Variants in PCNX1 observed in about 807,000 individuals in gnomAD.
The protein encoded by PCNX1 is pecanex 1, also known as pecanex-like protein 1.
A neutral mutation model predicts 242.2 loss-of-function variants in PCNX1; 78 were observed. The observed-to-expected ratio is 0.32, with a 90% CI of 0.27 to 0.39. The LOEUF is 0.39. Ranked by LOEUF, PCNX1 falls within the 10% of genes least tolerant of loss-of-function variation. PCNX1 has a pLI of 1.00. For missense variants in PCNX1, 2,581 were observed against 2,856.5 expected, an observed-to-expected ratio of 0.90 and a Z score of 2.20; for synonymous variants, 1,024 against 1,032.9, an observed-to-expected ratio of 0.99 and a Z score of 0.17.
chr14:71,034,949 T>A (rs1413758038), intron 18 of PCNX1, among the ~76,000 whole-genome samples: 1 of 152,232 alleles, frequency 6.6e-6, no homozygotes, highest in Admixed American at 6.5e-5. Flanking sequence ...CTATGACCAC[T>A]GATGGAACCA....
At chr14:70,993,375 G>A (rs774499652) in intron 7 of PCNX1, among the ~76,000 whole-genome samples, 5 of 151,802 alleles carry the variant, frequency 3.3e-5, no homozygotes, top group African/African-American at 9.7e-5. Context: ...TGATCCACCC[G>A]CCTTGGCCTC....
chr14:71,037,746 A>G (rs552469851), intron 19 of PCNX1, among the ~76,000 whole-genome samples: 2 of 151,914 alleles, frequency 1.3e-5, no homozygotes, highest in East Asian at 3.9e-4. Flanking sequence ...ATGGAACCAA[A>G]AAAGAGCCCG....
At chr14:70,910,845 G>A (rs1431407828) in intron 1 of PCNX1, among the ~76,000 whole-genome samples, 1 of 152,202 alleles carries the variant, frequency 6.6e-6, no homozygotes. Flanking sequence ...ACAAGACACA[G>A]CTTCTGCTTT....
chr14:70,938,062 CAT>C lies in PCNX1; in HGVS notation c.154-8852_154-8851del, dbSNP rs1277717983. 3.3e-5 allele frequency among the ~76,000 whole-genome samples: 5 copies of C among 152,186 alleles called. No homozygotes were observed. The East Asian group carries it at 9.6e-4, about 29-fold the overall frequency. Reference sequence around the variant, plus strand: ...CGATAGGGTTTTCTAAATATACAATCATGTCATCTGCAAACAGGGACAATTTG... The same window carrying C: ...CGATAGGGTTTTCTAAATATACAATCGTCATCTGCAAACAGGGACAATTTG... On this transcript the variant is annotated intron_variant, in intron 1 of 35. Transcript: ENST00000304743.
At chr14:71,077,441 A>C (rs1266990490) in intron 28 of PCNX1, among the ~76,000 whole-genome samples, 1 of 152,232 alleles carries the variant, frequency 6.6e-6, no homozygotes, top group East Asian at 1.9e-4. Context: ...TAGGAGGTGC[A>C]TACCGACCAT....
rs929702383 is a variant in PCNX1 at position 71,114,190 on chromosome 14, G to A, written c.*4255G>A. The A allele has an allele frequency of 6.6e-6, 1 of 152,152 alleles. No homozygotes were observed. Among genetic ancestry groups the A allele is most frequent in the African/African-American group, 2.4e-5 (1 of 41,424 alleles). 9.4% of individuals were successfully genotyped at this position (152,152 alleles called of 1,614,324 possible). A position where few individuals can be genotyped will look rare whatever the true frequency, so the allele number is the denominator to read the frequency against. On this transcript the variant is annotated 3_prime_UTR_variant, in exon 36 of 36. Transcript: ENST00000304743. ...TTAGATACTACCATGCATTGGGACA[G>A]CATAATTCTAATATTACATTGAATA...
At position 71,111,812 on chromosome 14, in the gene PCNX1, T is replaced by G. The variant is rs184537050; in HGVS notation, c.*1877T>G. 6.6e-6 allele frequency: 1 copy of G among 152,318 alleles called. No homozygotes were observed. Among genetic ancestry groups the G allele is most frequent in the East Asian group, 1.9e-4 (1 of 5,190 alleles). The allele number at this position is 152,318 out of a possible 1,614,324, so 9.4% of individuals were successfully genotyped here. ...TTCACACTTTACAAAATTTACTGTT[T>G]AAAAATACTTGTCAAATGATTTACT... On this transcript the variant is annotated 3_prime_UTR_variant, in exon 36 of 36. Transcript: ENST00000304743.
intron 28 of PCNX1, among the ~76,000 whole-genome samples, chr14:71,080,526 G>T (rs1323007635): frequency 6.6e-6 from 1 of 152,088 alleles, no homozygotes. Context: ...TTTTCCATTT[G>T]TTTGTGTCCT....
rs893637118 is a variant in PCNX1 at position 71,111,822 on chromosome 14, T to C, written c.*1887T>C. ...ACAAAATTTACTGTTTAAAAATACT[T>C]GTCAAATGATTTACTGAACCTTTAT... is the stretch of plus-strand genomic sequence containing the variant. On this transcript the variant is annotated 3_prime_UTR_variant, in exon 36 of 36. Transcript: ENST00000304743. 6.6e-6 allele frequency: 1 copy of C among 152,266 alleles called. No individual in the cohort carries two copies. The highest frequency in any genetic ancestry group is 2.4e-5 in the African/African-American group (1 of 41,458). The allele number at this position is 152,266 out of a possible 1,614,324, so 9.4% of individuals were successfully genotyped here.
chr14:71,073,465 C>T (rs2061636473), intron 26 of PCNX1, 80 bp from the exon 27 acceptor site: 5 of 1,332,612 alleles, frequency 3.8e-6, no homozygotes, highest in Middle Eastern at 2.0e-4. Flanking sequence ...GTATTTTTTT[C>T]TAAATCTTAT....
chr14:71,037,186 G>C (rs201711786), intron 19 of PCNX1, among the ~76,000 whole-genome samples: 1 of 149,536 alleles, frequency 6.7e-6, no homozygotes, highest in Admixed American at 6.7e-5. Flanking sequence ...AGGAGATTTT[G>C]GGCTGAGACA....
chr14:71,028,203 A>G (rs768856945), intron 15 of PCNX1, among the ~76,000 whole-genome samples: 4 of 151,856 alleles, frequency 2.6e-5, no homozygotes, highest in Non-Finnish European at 5.9e-5. Context: ...TTAGATCTAA[A>G]GTATCTATTT....
At chr14:71,082,546 G>A (rs1340816633) in intron 28 of PCNX1, among the ~76,000 whole-genome samples, 2 of 152,024 alleles carry the variant, frequency 1.3e-5, no homozygotes, top group Admixed American at 6.5e-5. Flanking sequence ...TCCTGTATTG[G>A]GTGTATATAT....
At chr14:70,952,691 C>T (rs1259925124) in intron 2 of PCNX1, among the ~76,000 whole-genome samples, 2 of 151,968 alleles carry the variant, frequency 1.3e-5, no homozygotes, top group Non-Finnish European at 2.9e-5. Context: ...AAGAATAGAC[C>T]ATAGTCTATT....
chr14:71,106,808 A>C (rs1348856443), intron 33 of PCNX1, among the ~76,000 whole-genome samples: 1 of 151,896 alleles, frequency 6.6e-6, no homozygotes, highest in Non-Finnish European at 1.5e-5. Flanking sequence ...TCTTTTTCTT[A>C]CTGATTTGTG....
At chr14:70,927,572 T>TTTTA (rs61306962) in intron 1 of PCNX1, among the ~76,000 whole-genome samples, 2,370 of 151,702 alleles carry the variant, frequency 0.016, 52 homozygotes, top group African/African-American at 0.046. Flanking sequence ...ATTCTCTCTC[T>TTTTA]TTTATTTATT....
chr14:71,026,961 G>A, intron 15 of PCNX1, 79 bp downstream of exon 15: 1 of 629,434 alleles, frequency 1.6e-6, no homozygotes, highest in Admixed American at 2.9e-5. Context: ...CCATTAAAAT[G>A]CTTTTCCAGT....
intron 26 of PCNX1, 71 bp from the exon 27 acceptor site, chr14:71,073,474 A>T: frequency 1.4e-6 from 2 of 1,385,378 alleles, no homozygotes; most frequent in Admixed American, 2.1e-5. Flanking sequence ...TCTAAATCTT[A>T]TGTGTCCTTG....
At position 70,915,663 on chromosome 14, in the gene PCNX1, A is replaced by G. The variant is rs573548796; in HGVS notation, c.153+7660A>G. ...TGTAAGTCATTTCCAGGTTTTAGCT[A>G]TTTAGAAAACAGTAGGGTGAATACT... On this transcript the variant is annotated intron_variant, in intron 1 of 35. Coordinates refer to ENST00000304743, the MANE Select transcript of PCNX1 (RefSeq NM_014982.3). 2.8e-4 allele frequency among the ~76,000 whole-genome samples: 42 copies of G among 152,166 alleles called. 1 individual carries two copies. Among genetic ancestry groups the G allele is most frequent in the Admixed American group, 9.2e-4 (14 of 15,266 alleles).
Sources: allele counts gnomAD v4.1 joint callset (sites outside exome capture counted in the v4.1 genomes callset), GRCh38; gene constraint gnomAD v4.1.1; transcripts MANE v1.5; gene names NCBI Gene and HGNC (gene_info 2026-07-23, HGNC 2026-07-21).